The following TAS2R1 variants were observed in gnomAD, a reference collection of about 807,000 sequenced individuals.
The protein encoded by TAS2R1 is taste receptor type 2 member 1.
For synonymous variants in TAS2R1, 141 were observed against 134.2 expected (o/e 1.05, Z -0.35); for missense variants, 370 against 353.4 (o/e 1.05, Z -0.38).
At chr5:9,867,362 C>T in the TAS2R1 span, among the ~76,000 whole-genome samples, 4 of 152,242 alleles carry the variant, frequency 2.6e-5, no homozygotes, top group East Asian at 1.9e-4. Context: ...ACTCACAGTT[C>T]GGCATGGCTG....
the TAS2R1 span, among the ~76,000 whole-genome samples, chr5:9,840,317 A>G: frequency 6.6e-6 from 1 of 152,202 alleles, no homozygotes. Flanking sequence ...TCGAGTTTAC[A>G]TCTCCTGTTC....
the TAS2R1 span, among the ~76,000 whole-genome samples, chr5:9,825,825 T>C: frequency 1.3e-5 from 2 of 152,022 alleles, no homozygotes; most frequent in Non-Finnish European, 2.9e-5. Context: ...CTTAATCCTA[T>C]TTTTTTTGTA....
the TAS2R1 span, among the ~76,000 whole-genome samples, chr5:9,781,258 T>C: frequency 1.3e-5 from 2 of 152,192 alleles, no homozygotes; most frequent in African/African-American, 4.8e-5. Flanking sequence ...GGCAACTTGA[T>C]CCTTCCTGTC....
chr5:9,754,195 C>T, the TAS2R1 span, among the ~76,000 whole-genome samples: 1 of 152,106 alleles, frequency 6.6e-6, no homozygotes, highest in African/African-American at 2.4e-5. Context: ...AGGCCTTTGA[C>T]AAAATTCAAC....
the TAS2R1 span, among the ~76,000 whole-genome samples, chr5:9,801,074 C>T: frequency 3.3e-5 from 5 of 152,294 alleles, no homozygotes; most frequent in South Asian, 1.0e-3. Flanking sequence ...AGCCTATAAT[C>T]CCAGCTTCTC....
intron 1 of TAS2R1, among the ~76,000 whole-genome samples, chr5:9,668,983 AG>A (rs1272357226): frequency 6.6e-6 from 1 of 152,166 alleles, no homozygotes; most frequent in East Asian, 1.9e-4. Context: ...TGTATAAAGA[AG>A]CAAGACCCAA....
the TAS2R1 span, among the ~76,000 whole-genome samples, chr5:9,900,999 G>A: frequency 6.6e-6 from 1 of 152,100 alleles, no homozygotes; most frequent in Non-Finnish European, 1.5e-5. Context: ...TGCACTAGTC[G>A]TCCTCGGAGG....
chr5:9,727,500 G>A, the TAS2R1 span, among the ~76,000 whole-genome samples: 1 of 152,178 alleles, frequency 6.6e-6, no homozygotes, highest in African/African-American at 2.4e-5. Context: ...TGGAGATTCA[G>A]AAGTCTAGAT....
At chr5:9,852,168 C>T in the TAS2R1 span, among the ~76,000 whole-genome samples, 9 of 152,076 alleles carry the variant, frequency 5.9e-5, no homozygotes, top group Non-Finnish European at 1.0e-4. Context: ...AGAATCAAGC[C>T]TTATCCTCTA....
At chr5:9,784,342 CCACAACTGCTGGGT>C in the TAS2R1 span, among the ~76,000 whole-genome samples, 2 of 152,154 alleles carry the variant, frequency 1.3e-5, no homozygotes, top group African/African-American at 4.8e-5. Flanking sequence ...CCAGGACTCA[CCACAACTGCTGGGT>C]CTCCCTGAGG....
chr5:9,847,150 A>G, the TAS2R1 span, among the ~76,000 whole-genome samples: 11,087 of 152,270 alleles, frequency 0.073, 470 homozygotes, highest in Middle Eastern at 0.15. Flanking sequence ...CTGAAATCCA[A>G]GTTGATCTTC....
At chr5:9,840,816 CTTTA>C in the TAS2R1 span, among the ~76,000 whole-genome samples, 1 of 147,840 alleles carries the variant, frequency 6.8e-6, no homozygotes, top group Non-Finnish European at 1.5e-5. Flanking sequence ...TTCACATTCA[CTTTA>C]TTTTTCATTT....
At chr5:9,813,172 G>A in the TAS2R1 span, among the ~76,000 whole-genome samples, 2 of 152,148 alleles carry the variant, frequency 1.3e-5, no homozygotes, top group Admixed American at 1.3e-4. Context: ...ATAGAGAGAA[G>A]ACAATGGAAG....
At chr5:9,838,705 A>G in the TAS2R1 span, among the ~76,000 whole-genome samples, 33 of 152,228 alleles carry the variant, frequency 2.2e-4, no homozygotes, top group African/African-American at 6.3e-4. Flanking sequence ...CTCTGCATCA[A>G]CTCCTAGCAA....
chr5:9,710,491 T>C (rs1165441840), intron 1 of TAS2R1, among the ~76,000 whole-genome samples: 3 of 152,116 alleles, frequency 2.0e-5, no homozygotes, highest in Non-Finnish European at 4.4e-5. Flanking sequence ...CTACCAAAAA[T>C]GGGCAAACAA....
At chr5:9,778,160 G>A in the TAS2R1 span, among the ~76,000 whole-genome samples, 33 of 151,974 alleles carry the variant, frequency 2.2e-4, no homozygotes, top group East Asian at 1.4e-3. Flanking sequence ...GATTACAGGC[G>A]TGAGCCACCA....
chr5:9,629,274 G>A lies in TAS2R1; in HGVS notation c.759C>T (p.His253=), dbSNP rs768839192. ...IKVFLSSLKF[H]IRRFIFLFFI... ...AGAACAGAAAGATGAACCTTCTGAT[G>A]TGAAACTTTAGAGAAGAGAGAAAAA... is the stretch of plus-strand genomic sequence containing the variant. The change falls in exon 1 of 1, where the codon CAC becomes CAT. Residue 253 remains histidine, a synonymous_variant. Coordinates refer to ENST00000382492, the MANE Select transcript of TAS2R1 (RefSeq NM_019599.3). 1.1e-5 allele frequency: 18 copies of A among 1,613,966 alleles called. No individual in the cohort carries two copies. Among genetic ancestry groups the A allele is most frequent in the African/African-American group, 4.0e-5 (3 of 74,928 alleles).
At chr5:9,888,454 G>A in the TAS2R1 span, among the ~76,000 whole-genome samples, 11 of 152,158 alleles carry the variant, frequency 7.2e-5, no homozygotes, top group African/African-American at 2.7e-4. Flanking sequence ...ATAAGGAAAG[G>A]CTTCTGCTAT....
At chr5:9,640,509 A>C (rs1437310770) in intron 2 of TAS2R1, among the ~76,000 whole-genome samples, 3 of 150,374 alleles carry the variant, frequency 2.0e-5, no homozygotes, top group Non-Finnish European at 4.4e-5. Context: ...AAAAAAAAAA[A>C]AAAAAAAAAA....
Sources: allele counts gnomAD v4.1 joint callset (sites outside exome capture counted in the v4.1 genomes callset), GRCh38; gene constraint gnomAD v4.1.1; transcripts MANE v1.5; gene names NCBI Gene and HGNC (gene_info 2026-07-23, HGNC 2026-07-21).